ADAMTS19: variants seen among roughly 807,000 people sequenced by gnomAD.
ADAMTS19 encodes the protein ADAM metallopeptidase with thrombospondin type 1 motif 19.
ADAMTS19 carries 93 observed loss-of-function variants against 153.3 expected under a neutral mutation model. The ratio of observed to expected loss-of-function variants is 0.61; its 90% CI spans 0.51 to 0.72. The LOEUF (loss-of-function observed/expected upper bound fraction) is 0.72, where lower values mean the gene tolerates loss of function less well. Among genes scored for constraint, ADAMTS19 ranks in the 30% least tolerant of loss-of-function variants. The probability of loss-of-function intolerance (pLI) is 0.00; values close to 1 mark genes in which losing one functional copy is unlikely to be tolerated. For synonymous variants in ADAMTS19, 600 were observed against 556.6 expected (o/e 1.08, Z -1.10); for missense variants, 1,482 against 1,552.1 (o/e 0.95, Z 0.76).
intron 3 of ADAMTS19, among the ~76,000 whole-genome samples, chr5:129,521,397 T>G (rs1354613801): frequency 2.0e-5 from 3 of 152,136 alleles, no homozygotes. Flanking sequence ...CTAACATATT[T>G]CACATTTAAT....
At chr5:129,559,210 GAATTATTGATGT>G (rs1753415618) in intron 7 of ADAMTS19, among the ~76,000 whole-genome samples, 1 of 151,910 alleles carries the variant, frequency 6.6e-6, no homozygotes. Flanking sequence ...GTGAATCTTA[GAATTATTGATGT>G]ATATTAATAG....
chr5:129,622,059 A>G (rs1751800506), intron 9 of ADAMTS19, 139 bp from the exon 10 acceptor site: 1 of 802,356 alleles, frequency 1.2e-6, no homozygotes, highest in East Asian at 2.8e-5. Flanking sequence ...GACATATAGA[A>G]TAATTTCTAT....
chr5:129,675,634 A>G (rs1754518043), intron 16 of ADAMTS19, among the ~76,000 whole-genome samples: 1 of 152,066 alleles, frequency 6.6e-6, no homozygotes, highest in Admixed American at 6.6e-5. Context: ...TATTTTACAT[A>G]TTTTATTCTG....
At chr5:129,527,206 A>T (rs1752041908) in intron 4 of ADAMTS19, among the ~76,000 whole-genome samples, 1 of 151,954 alleles carries the variant, frequency 6.6e-6, no homozygotes, top group African/African-American at 2.4e-5. Context: ...GAAGAATCAG[A>T]AGGTTGTAGT....
intron 7 of ADAMTS19, among the ~76,000 whole-genome samples, chr5:129,571,518 A>C (rs921845376): frequency 7.9e-5 from 12 of 151,718 alleles, no homozygotes; most frequent in Admixed American, 7.9e-4. Flanking sequence ...TGCCGATGGG[A>C]GCAATAAAAG....
intron 16 of ADAMTS19, 99 bp from the exon 17 acceptor site, chr5:129,679,665 G>A: frequency 9.1e-7 from 1 of 1,098,350 alleles, no homozygotes. Context: ...CCATTTGTTT[G>A]TAAATAAATG....
intron 11 of ADAMTS19, among the ~76,000 whole-genome samples, chr5:129,644,967 C>T (rs1211416238): frequency 6.6e-6 from 1 of 152,150 alleles, no homozygotes. Context: ...CCCTGCCTTC[C>T]TCCTCTTCTC....
chr5:129,478,981 A>G (rs926771600), intron 2 of ADAMTS19, among the ~76,000 whole-genome samples: 5 of 152,212 alleles, frequency 3.3e-5, no homozygotes, highest in Admixed American at 2.0e-4. Flanking sequence ...GCTATATGCC[A>G]TATACATATT....
chr5:129,705,336 G>A lies in ADAMTS19; in HGVS notation c.3312+945G>A, dbSNP rs2023507. Among the ~76,000 whole-genome samples the A allele has an allele frequency of 8.5e-3, 1,290 of 152,186 alleles. 18 individuals carry two copies. The highest frequency in any genetic ancestry group is 0.03 in the African/African-American group (1,239 of 41,538). Reference sequence around the variant, plus strand: ...CATAAATAACCCTAAAGGGCTTTCTGGGAGAAATATTTTCAATATAGAAAA... The same window carrying A: ...CATAAATAACCCTAAAGGGCTTTCTAGGAGAAATATTTTCAATATAGAAAA... On this transcript the variant is annotated intron_variant, in intron 21 of 22. Coordinates refer to ENST00000274487, the MANE Select transcript of ADAMTS19 (RefSeq NM_133638.6).
At chr5:129,600,853 T>G (rs1234860317) in intron 8 of ADAMTS19, among the ~76,000 whole-genome samples, 1 of 99,088 alleles carries the variant, frequency 1.0e-5, no homozygotes, top group Non-Finnish European at 2.1e-5. Context: ...CAATAAGTAG[T>G]AGGAGTTATT....
chr5:129,552,183 A>G (rs973052083), intron 7 of ADAMTS19, among the ~76,000 whole-genome samples: 3 of 151,908 alleles, frequency 2.0e-5, no homozygotes, highest in African/African-American at 4.8e-5. Context: ...TGGGTTCAAT[A>G]AAATTTTATT....
intron 7 of ADAMTS19, among the ~76,000 whole-genome samples, chr5:129,560,308 G>A (rs1378682024): frequency 6.6e-6 from 1 of 152,082 alleles, no homozygotes; most frequent in Non-Finnish European, 1.5e-5. Context: ...TTTTTAGGGA[G>A]CAGGTTGTTT....
At position 129,737,983 on chromosome 5, in the gene ADAMTS19, T is replaced by A. The variant is rs1481148568; in HGVS notation, c.*765T>A. 1 of 152,542 alleles carries A rather than the reference T, an allele frequency of 6.6e-6. No individual in the cohort carries two copies. The highest frequency in any genetic ancestry group is 2.4e-5 in the African/African-American group (1 of 41,442). The allele number at this position is 152,542 out of a possible 1,614,324, so 9.4% of individuals were successfully genotyped here. On this transcript the variant is annotated 3_prime_UTR_variant, in exon 23 of 23. Coordinates refer to ENST00000274487, the MANE Select transcript of ADAMTS19 (RefSeq NM_133638.6). ...ACAAAAAATGTGTATTATTTTAACA[T>A]GTTATCACTAGATTTTAGCTTTTTT...
At chr5:129,577,753 G>C (rs1382047245) in intron 7 of ADAMTS19, among the ~76,000 whole-genome samples, 1 of 151,924 alleles carries the variant, frequency 6.6e-6, no homozygotes, top group African/African-American at 2.4e-5. Flanking sequence ...TGACTGATTT[G>C]ACAAATTGTA....
chr5:129,636,966 T>G (rs960958627), intron 10 of ADAMTS19, among the ~76,000 whole-genome samples: 1 of 152,208 alleles, frequency 6.6e-6, no homozygotes, highest in African/African-American at 2.4e-5. Context: ...TGAAAGGGCC[T>G]GTTTTTAACC....
intron 10 of ADAMTS19, among the ~76,000 whole-genome samples, chr5:129,635,065 G>A (rs1752475315): frequency 6.6e-6 from 1 of 151,900 alleles, no homozygotes; most frequent in Admixed American, 6.6e-5. Flanking sequence ...GCAAACTTAA[G>A]TTTACAAGCA....
chr5:129,582,753 T>G (rs547810335), intron 7 of ADAMTS19, among the ~76,000 whole-genome samples: 7 of 151,266 alleles, frequency 4.6e-5, no homozygotes, highest in Admixed American at 3.3e-4. Flanking sequence ...TTTTTTTTTT[T>G]TGTATTTTTT....
intron 20 of ADAMTS19, 61 bp downstream of exon 20, chr5:129,701,653 A>T: frequency 1.3e-6 from 2 of 1,544,712 alleles, no homozygotes; most frequent in Non-Finnish European, 1.8e-6. Flanking sequence ...GTACAAGATC[A>T]GGTTGGATCA....
intron 21 of ADAMTS19, among the ~76,000 whole-genome samples, chr5:129,708,994 A>C (rs961912250): frequency 1.3e-5 from 2 of 152,124 alleles, no homozygotes; most frequent in Non-Finnish European, 2.9e-5. Flanking sequence ...ATATTTGTTT[A>C]GAAGTGATAG....
Sources: gnomAD v4.1 joint callset for allele counts (sites outside exome capture counted in the v4.1 genomes callset) on GRCh38, gnomAD v4.1.1 for gene constraint, MANE v1.5 for transcripts, NCBI Gene and HGNC (gene_info 2026-07-23, HGNC 2026-07-21) for gene names.